Variants in ZFHX3 observed in about 807,000 individuals in gnomAD.
The protein encoded by ZFHX3 is zinc finger homeobox 3.
In ZFHX3, 42 loss-of-function variants were observed where a neutral mutation model predicts 279.1. The ratio of observed to expected loss-of-function variants is 0.15; its 90% CI spans 0.12 to 0.19. The LOEUF (loss-of-function observed/expected upper bound fraction) is 0.19, where lower values mean the gene tolerates loss of function less well. ZFHX3 is among the 10% of genes least tolerant of loss of function. The pLI, the probability that ZFHX3 is intolerant of heterozygous loss-of-function variation, is 1.00. For missense variants in ZFHX3, 4,981 were observed against 4,754.0 expected (o/e 1.05, Z -1.40); for synonymous variants, 2,293 against 1,957.8 (o/e 1.17, Z -4.52).
chr16:73,788,196 G>A (rs919781565), intron 1 of ZFHX3, among the ~76,000 whole-genome samples: 1 of 152,184 alleles, frequency 6.6e-6, no homozygotes, highest in African/African-American at 2.4e-5. Flanking sequence ...GCCAGGTAGG[G>A]AAGAACCAGA....
intron 7 of ZFHX3, among the ~76,000 whole-genome samples, chr16:72,811,269 A>T (rs1278135103): frequency 1.3e-5 from 2 of 152,238 alleles, no homozygotes; most frequent in Non-Finnish European, 2.9e-5. Context: ...TGACCTGCTC[A>T]GTAAAGGTTT....
intron 1 of ZFHX3, among the ~76,000 whole-genome samples, chr16:73,688,972 T>G (rs2142204983): frequency 6.6e-6 from 1 of 152,296 alleles, no homozygotes; most frequent in South Asian, 2.1e-4. Flanking sequence ...TGTGAGTCCA[T>G]TAAGCCTCTT....
chr16:73,290,160 G>C (rs1222060254), intron 4 of ZFHX3, among the ~76,000 whole-genome samples: 2 of 152,136 alleles, frequency 1.3e-5, no homozygotes, highest in East Asian at 3.9e-4. Flanking sequence ...TAGGCACAGG[G>C]GAATCAGGAA....
intron 3 of ZFHX3, among the ~76,000 whole-genome samples, chr16:73,426,765 G>C (rs779813029): frequency 1.3e-5 from 2 of 152,188 alleles, no homozygotes; most frequent in Admixed American, 6.5e-5. Context: ...TGTGGGGAAA[G>C]CAGTCACTGC....
At chr16:72,835,427 T>G (rs1213142307) in intron 4 of ZFHX3, among the ~76,000 whole-genome samples, 1 of 152,204 alleles carries the variant, frequency 6.6e-6, no homozygotes, top group Non-Finnish European at 1.5e-5. Context: ...AGCCTGCAGC[T>G]GTCAAAAGCC....
At chr16:73,222,498 G>T (rs2059218651) in intron 5 of ZFHX3, among the ~76,000 whole-genome samples, 1 of 151,888 alleles carries the variant, frequency 6.6e-6, no homozygotes, top group Non-Finnish European at 1.5e-5. Context: ...AAATACCTAG[G>T]TATAAAATTA....
At chr16:73,099,946 A>G (rs1966211237) in intron 7 of ZFHX3, among the ~76,000 whole-genome samples, 1 of 152,012 alleles carries the variant, frequency 6.6e-6, no homozygotes, top group Non-Finnish European at 1.5e-5. Context: ...TTTCCTGGGA[A>G]CCTTGCATTG....
At chr16:72,882,329 A>G (rs1379475742) in intron 4 of ZFHX3, among the ~76,000 whole-genome samples, 2 of 152,048 alleles carry the variant, frequency 1.3e-5, no homozygotes, top group African/African-American at 4.8e-5. Flanking sequence ...ACCAAGAACA[A>G]CACTAACCAG....
At chr16:73,264,106 G>T (rs1408240305) in intron 4 of ZFHX3, among the ~76,000 whole-genome samples, 1 of 152,204 alleles carries the variant, frequency 6.6e-6, no homozygotes, top group Non-Finnish European at 1.5e-5. Flanking sequence ...GGCAGGGGCT[G>T]CAGTGAGCTG....
intron 2 of ZFHX3, among the ~76,000 whole-genome samples, chr16:73,538,200 T>TG (rs11394302): frequency 0.038 from 5,823 of 152,240 alleles, 321 homozygotes; most frequent in Admixed American, 0.14. Flanking sequence ...TGTGTGTGTG[T>TG]TTTTTAACAC....
intron 7 of ZFHX3, among the ~76,000 whole-genome samples, chr16:73,115,295 C>T (rs1285670217): frequency 7.1e-6 from 1 of 140,868 alleles, no homozygotes; most frequent in Non-Finnish European, 1.5e-5. Context: ...AATCCCAGCA[C>T]TTTGGGAGGC....
chr16:73,760,018 T>TA (rs745805659), intron 1 of ZFHX3, among the ~76,000 whole-genome samples: 44 of 146,402 alleles, frequency 3.0e-4, no homozygotes, highest in Admixed American at 8.2e-4. Context: ...TGTTTTTTTT[T>TA]AAAAAAAAAT....
chr16:73,058,228 G>A (rs1965607564), intron 1 of ZFHX3, among the ~76,000 whole-genome samples: 2 of 145,360 alleles, frequency 1.4e-5, no homozygotes, highest in Non-Finnish European at 3.1e-5. Flanking sequence ...GGAGGAGGGG[G>A]CGGCCCGGGC....
chr16:73,318,813 T>C (rs577198956), intron 3 of ZFHX3, among the ~76,000 whole-genome samples: 7 of 152,242 alleles, frequency 4.6e-5, no homozygotes, highest in Non-Finnish European at 7.3e-5. Context: ...ATGGATTGCA[T>C]AGAGTCAGGC....
chr16:73,634,431 AT>A (rs2052508138), intron 2 of ZFHX3, among the ~76,000 whole-genome samples: 1 of 10,420 alleles, frequency 9.6e-5, no homozygotes, highest in African/African-American at 4.1e-4. Flanking sequence ...GTTATTATGT[AT>A]AATATATATA....
chr16:73,034,878 G>C (rs1048394094), intron 1 of ZFHX3, among the ~76,000 whole-genome samples: 1 of 152,160 alleles, frequency 6.6e-6, no homozygotes, highest in South Asian at 2.1e-4. Flanking sequence ...TGAGCATGTC[G>C]GGGGAGCCAG....
intron 3 of ZFHX3, among the ~76,000 whole-genome samples, chr16:72,896,415 A>G (rs2038901397): frequency 6.6e-6 from 1 of 152,156 alleles, no homozygotes; most frequent in Non-Finnish European, 1.5e-5. Flanking sequence ...AGAAGAACAC[A>G]GCAAAGCCCT....
intron 3 of ZFHX3, among the ~76,000 whole-genome samples, chr16:73,455,059 T>C (rs552777488): frequency 6.6e-6 from 1 of 152,332 alleles, no homozygotes; most frequent in African/African-American, 2.4e-5. Context: ...CAAATCCCGA[T>C]GTGACTCTTT....
At chr16:73,166,639 G>C (rs1347592094) in intron 5 of ZFHX3, among the ~76,000 whole-genome samples, 1 of 152,144 alleles carries the variant, frequency 6.6e-6, no homozygotes, top group African/African-American at 2.4e-5. Flanking sequence ...AATTTCCTGT[G>C]TGCTCCCTCT....
Sources: allele counts gnomAD v4.1 joint callset (sites outside exome capture counted in the v4.1 genomes callset), GRCh38; gene constraint gnomAD v4.1.1; transcripts MANE v1.5; gene names NCBI Gene and HGNC (gene_info 2026-07-23, HGNC 2026-07-21).